Variants in MNAT1 observed in about 807,000 individuals in gnomAD.
MNAT1 encodes the protein MNAT1 component of CDK activating kinase, also known as CDK-activating kinase assembly factor MAT1.
Under a neutral mutation model 42.0 loss-of-function variants are expected in MNAT1, and 43 were observed. The ratio of observed to expected loss-of-function variants is 1.02; its 90% CI spans 0.80 to 1.32. MNAT1 has a LOEUF of 1.32. Among genes scored for constraint, MNAT1 ranks in the 40% most tolerant of loss-of-function variants. The pLI, the probability that MNAT1 is intolerant of heterozygous loss-of-function variation, is 0.00. For missense variants in MNAT1, 306 were observed against 350.4 expected (o/e 0.87, Z 1.01); for synonymous variants, 118 against 120.0 (o/e 0.98, Z 0.11).
At chr14:60,904,902 T>G (rs1315092580) in intron 7 of MNAT1, among the ~76,000 whole-genome samples, 3 of 151,414 alleles carry the variant, frequency 2.0e-5, no homozygotes, top group African/African-American at 7.3e-5. Context: ...TATTTAAAAT[T>G]GTCTCCATTG....
At chr14:60,931,561 T>G (rs576547122) in intron 7 of MNAT1, among the ~76,000 whole-genome samples, 3 of 152,346 alleles carry the variant, frequency 2.0e-5, no homozygotes, top group Admixed American at 2.0e-4. Context: ...CAAAGCCCAT[T>G]GCAGCACTGG....
chr14:60,854,987 G>A (rs1194921671), intron 6 of MNAT1, among the ~76,000 whole-genome samples: 1 of 152,170 alleles, frequency 6.6e-6, no homozygotes, highest in Non-Finnish European at 1.5e-5. Context: ...TGACTGGGCT[G>A]TTACCTTTCT....
chr14:60,793,657 G>A (rs1357087453), intron 1 of MNAT1, among the ~76,000 whole-genome samples: 2 of 151,836 alleles, frequency 1.3e-5, no homozygotes, highest in Non-Finnish European at 2.9e-5. Flanking sequence ...ATAGGCGTAA[G>A]CAACTAGGCC....
intron 6 of MNAT1, among the ~76,000 whole-genome samples, chr14:60,843,301 C>T (rs1594795884): frequency 6.6e-6 from 1 of 151,920 alleles, no homozygotes; most frequent in Admixed American, 6.6e-5. Context: ...GATGGAGTCT[C>T]GCTCTGTCGC....
chr14:60,967,143 A>AT (rs1207322583), intron 7 of MNAT1, among the ~76,000 whole-genome samples: 4 of 152,034 alleles, frequency 2.6e-5, no homozygotes, highest in Non-Finnish European at 4.4e-5. Flanking sequence ...ACCTTGACCC[A>AT]TTTTTTCTAC....
At chr14:60,739,073 C>T (rs1443287459) in intron 1 of MNAT1, among the ~76,000 whole-genome samples, 2 of 152,172 alleles carry the variant, frequency 1.3e-5, no homozygotes, top group African/African-American at 4.8e-5. Context: ...TCATGTGGCT[C>T]TTGTCAGGAG....
rs1021448844 is a variant in MNAT1 at position 60,751,282 on chromosome 14, T to C, written c.89+16331T>C. Reference sequence around the variant, plus strand: ...CTAAATACATTTTTTTTTACTGTAATGCAACTGGGTTGTAACTCAAACTCA... The same window carrying C: ...CTAAATACATTTTTTTTTACTGTAACGCAACTGGGTTGTAACTCAAACTCA... On this transcript the variant is annotated intron_variant, in intron 1 of 7. Coordinates refer to ENST00000261245, the MANE Select transcript of MNAT1 (RefSeq NM_002431.4). Among the ~76,000 whole-genome samples the C allele has an allele frequency of 3.9e-5, 6 of 152,270 alleles. No homozygotes were observed. The East Asian group carries it at 1.2e-3, about 29-fold the overall frequency.
intron 6 of MNAT1, among the ~76,000 whole-genome samples, chr14:60,858,595 G>C (rs947153609): frequency 5.3e-5 from 8 of 152,078 alleles, no homozygotes; most frequent in African/African-American, 1.9e-4. Context: ...TGCGTTAAAT[G>C]CTTTCAAACA....
At chr14:60,757,169 A>G (rs1174803744) in intron 1 of MNAT1, among the ~76,000 whole-genome samples, 1 of 152,160 alleles carries the variant, frequency 6.6e-6, no homozygotes, top group Non-Finnish European at 1.5e-5. Flanking sequence ...TCCTGTTTAA[A>G]ACTAACGGTG....
At chr14:60,828,759 T>C (rs1021843478) in intron 6 of MNAT1, among the ~76,000 whole-genome samples, 17 of 152,272 alleles carry the variant, frequency 1.1e-4, no homozygotes, top group African/African-American at 3.9e-4. Flanking sequence ...GGCTATAAAT[T>C]GAAGGTTCCC....
intron 3 of MNAT1, among the ~76,000 whole-genome samples, chr14:60,803,001 C>T (rs1404095921): frequency 2.0e-5 from 3 of 148,428 alleles, no homozygotes; most frequent in Non-Finnish European, 3.0e-5. Flanking sequence ...GGCACGATCT[C>T]GGCTCACTGC....
intron 1 of MNAT1, among the ~76,000 whole-genome samples, chr14:60,766,088 C>T (rs1039121481): frequency 6.6e-6 from 1 of 152,126 alleles, no homozygotes; most frequent in Admixed American, 6.6e-5. Flanking sequence ...CAGTGGCTTA[C>T]ACCTGTAATC....
intron 7 of MNAT1, among the ~76,000 whole-genome samples, chr14:60,965,031 A>G (rs2036657427): frequency 6.6e-6 from 1 of 152,218 alleles, no homozygotes; most frequent in Non-Finnish European, 1.5e-5. Flanking sequence ...AATAGTTTGA[A>G]ATACTTCACA....
Position 60,968,661 on chromosome 14 carries a change from A to C in MNAT1, c.*312A>C, listed in dbSNP as rs2036728271. 3.6e-6 allele frequency: 2 copies of C among 554,284 alleles called. No individual in the cohort carries two copies. The highest frequency in any genetic ancestry group is 5.5e-6 in the Non-Finnish European group (2 of 361,064). The allele number at this position is 554,284 out of a possible 1,614,324, so 34.3% of individuals were successfully genotyped here. On this transcript the variant is annotated 3_prime_UTR_variant, in exon 8 of 8. Coordinates refer to ENST00000261245, the MANE Select transcript of MNAT1 (RefSeq NM_002431.4). Reference sequence around the variant, plus strand: ...GACTTATAAAATCTTTTTAAAAAATAAAGCTATAATTTATATTAAGTTCTG... The same window carrying C: ...GACTTATAAAATCTTTTTAAAAAATCAAGCTATAATTTATATTAAGTTCTG...
At chr14:60,882,661 G>C (rs553981542) in intron 7 of MNAT1, among the ~76,000 whole-genome samples, 63 of 152,164 alleles carry the variant, frequency 4.1e-4, no homozygotes, top group Non-Finnish European at 7.5e-4. Context: ...CCTCGAAACT[G>C]TTCTCCATAC....
At chr14:60,890,599 C>G (rs1220003717) in intron 7 of MNAT1, among the ~76,000 whole-genome samples, 1 of 152,206 alleles carries the variant, frequency 6.6e-6, no homozygotes, top group Non-Finnish European at 1.5e-5. Flanking sequence ...ACAGAGCAGC[C>G]TTCAGTCTGT....
At chr14:60,767,829 A>G (rs1214798899) in intron 1 of MNAT1, among the ~76,000 whole-genome samples, 3 of 151,842 alleles carry the variant, frequency 2.0e-5, no homozygotes, top group Admixed American at 2.0e-4. Flanking sequence ...TAGTGGCACA[A>G]TCTCAGCTCA....
chr14:60,889,882 A>G (rs2034792501), intron 7 of MNAT1, among the ~76,000 whole-genome samples: 1 of 152,240 alleles, frequency 6.6e-6, no homozygotes, highest in African/African-American at 2.4e-5. Context: ...AGAGAAATGC[A>G]AATCAAAACC....
At chr14:60,776,470 C>T (rs1445436702) in intron 1 of MNAT1, among the ~76,000 whole-genome samples, 1 of 152,034 alleles carries the variant, frequency 6.6e-6, no homozygotes, top group Non-Finnish European at 1.5e-5. Flanking sequence ...AGGATAATGC[C>T]TGGCTTATTT....
Sources: allele counts gnomAD v4.1 joint callset (sites outside exome capture counted in the v4.1 genomes callset), GRCh38; gene constraint gnomAD v4.1.1; transcripts MANE v1.5; gene names NCBI Gene and HGNC (gene_info 2026-07-23, HGNC 2026-07-21).